The following GRPEL1 variants were observed in gnomAD, a reference collection of about 807,000 sequenced individuals.
The protein encoded by GRPEL1 is grpE protein homolog 1, mitochondrial.
GRPEL1 carries 13 observed loss-of-function variants against 22.1 expected under a neutral mutation model. The ratio of observed to expected loss-of-function variants is 0.59; its 90% CI spans 0.38 to 0.94. The LOEUF (loss-of-function observed/expected upper bound fraction) is 0.94, where lower values mean the gene tolerates loss of function less well. Ranked by LOEUF, GRPEL1 falls within the 40% of genes least tolerant of loss-of-function variation. The pLI is 0.00. For missense variants in GRPEL1, 289 were observed against 264.6 expected (o/e 1.09, Z -0.64); for synonymous variants, 109 against 105.3 (o/e 1.03, Z -0.21).
chr4:7,067,088 G>A (rs1309062607), intron 1 of GRPEL1, among the ~76,000 whole-genome samples: 1 of 152,228 alleles, frequency 6.6e-6, no homozygotes, highest in African/African-American at 2.4e-5. Flanking sequence ...CACCTCACCT[G>A]CCTGCTCTCC....
chr4:7,058,955 T>G lies in GRPEL1; in HGVS notation c.*1907A>C, dbSNP rs981904198. The G allele has an allele frequency of 2.0e-5, 3 of 152,270 alleles. No homozygotes were observed. The highest frequency in any genetic ancestry group is 7.2e-5 in the African/African-American group (3 of 41,474). 9.4% of individuals were successfully genotyped at this position (152,270 alleles called of 1,614,324 possible). A position where few individuals can be genotyped will look rare whatever the true frequency, so the allele number is the denominator to read the frequency against. On this transcript the variant is annotated 3_prime_UTR_variant, in exon 4 of 4. Coordinates refer to ENST00000264954, the MANE Select transcript of GRPEL1 (RefSeq NM_025196.4). ...ATGTTCAGATACACAGATACCATTG[T>G]GTTAACAGTTGCCTACAGTATCAGT...
intron 1 of GRPEL1, among the ~76,000 whole-genome samples, chr4:7,066,290 C>A (rs983300492): frequency 2.0e-5 from 3 of 152,154 alleles, no homozygotes; most frequent in Non-Finnish European, 4.4e-5. Flanking sequence ...TGTTTGTCAG[C>A]GAGCAAATGG....
chr4:7,065,638 G>T (rs796453137), intron 1 of GRPEL1, among the ~76,000 whole-genome samples: 1 of 152,120 alleles, frequency 6.6e-6, no homozygotes, highest in Non-Finnish European at 1.5e-5. Context: ...TGTAGGATAG[G>T]TAAGAGTTAC....
intron 1 of GRPEL1, 29 bp from the exon 2 acceptor site, chr4:7,064,252 AAGAC>A: frequency 6.3e-7 from 1 of 1,587,564 alleles, no homozygotes; most frequent in Non-Finnish European, 8.6e-7. Flanking sequence ...GTGAGAAACG[AAGAC>A]TTAGTTTTTG....
chr4:7,063,685 C>T (rs1027250316), intron 2 of GRPEL1, among the ~76,000 whole-genome samples: 1 of 152,256 alleles, frequency 6.6e-6, no homozygotes. Flanking sequence ...AAAACTCCTA[C>T]CTGCCTATGA....
At position 7,060,832 on chromosome 4, in the gene GRPEL1, G is replaced by A; in HGVS notation, c.*30C>T. The A allele has an allele frequency of 6.4e-7, 1 of 1,557,852 alleles. No homozygotes were observed. Among genetic ancestry groups the A allele is most frequent in the Non-Finnish European group, 8.8e-7 (1 of 1,142,284 alleles). ...CAGCCTTGAGAGTTACATCAAGTGA[G>A]TTTAAAAACACCCACCCCATCAACA... On this transcript the variant is annotated 3_prime_UTR_variant, in exon 4 of 4. Transcript: ENST00000264954.
rs889947782 is a variant in GRPEL1 at position 7,062,794 on chromosome 4, G to A, written c.226-328C>T. On this transcript the variant is annotated intron_variant, in intron 2 of 3. Coordinates refer to ENST00000264954, the MANE Select transcript of GRPEL1 (RefSeq NM_025196.4). ...CCCAAAGTGCTGGGATTACAGGTGT[G>A]GGCCACCATGCCTGGCCGGGAGATT... Among the ~76,000 whole-genome samples the A allele has an allele frequency of 5.9e-5, 9 of 152,238 alleles. No individual in the cohort carries two copies. The East Asian group carries it at 1.5e-3, about 26-fold the overall frequency.
In GRPEL1 at chr4:7,060,779, A is replaced by G; in HGVS notation, c.*83T>C. The G allele has an allele frequency of 1.6e-6, 2 of 1,250,430 alleles. No homozygotes were observed. Among genetic ancestry groups the G allele is most frequent in the Non-Finnish European group, 2.3e-6 (2 of 887,146 alleles). 77.5% of individuals were successfully genotyped at this position (1,250,430 alleles called of 1,614,324 possible). A position where few individuals can be genotyped will look rare whatever the true frequency, so the allele number is the denominator to read the frequency against. ...CCAATAAGGTTTGGGAAAAGGTCAC[A>G]CGTACTCATAGATGAGAAACAATGA... On this transcript the variant is annotated 3_prime_UTR_variant, in exon 4 of 4. Coordinates refer to ENST00000264954, the MANE Select transcript of GRPEL1 (RefSeq NM_025196.4).
rs1723984680 is a variant in GRPEL1, at chr4:7,059,482, C to G, written c.*1380G>C. 6.6e-6 allele frequency: 1 copy of G among 152,214 alleles called. No homozygotes were observed. The highest frequency in any genetic ancestry group is 1.5e-5 in the Non-Finnish European group (1 of 68,040). The allele number at this position is 152,214 out of a possible 1,614,324, so 9.4% of individuals were successfully genotyped here. On this transcript the variant is annotated 3_prime_UTR_variant, in exon 4 of 4. Coordinates refer to ENST00000264954, the MANE Select transcript of GRPEL1 (RefSeq NM_025196.4). ...AACAGGCAGCGCTGGAGCTCCCAGTCATGTTTTCTTCAATACACGATGCTG... is the reference window on the plus strand; with the variant it reads ...AACAGGCAGCGCTGGAGCTCCCAGTGATGTTTTCTTCAATACACGATGCTG...
chr4:7,067,947 C>A, intron 1 of GRPEL1, 24 bp downstream of exon 1: 1 of 1,612,228 alleles, frequency 6.2e-7, no homozygotes, highest in Non-Finnish European at 8.5e-7. Flanking sequence ...CCACCTCCAC[C>A]CAGGGAGACC....
chr4:7,061,244 A>C (rs778225638), intron 3 of GRPEL1, 36 bp from the exon 4 acceptor site: 2 of 1,537,804 alleles, frequency 1.3e-6, no homozygotes, highest in Non-Finnish European at 1.8e-6. Context: ...TGCACTCCAT[A>C]CCAACCGCAC....
At chr4:7,065,443 G>C (rs1177235292) in intron 1 of GRPEL1, among the ~76,000 whole-genome samples, 1 of 151,942 alleles carries the variant, frequency 6.6e-6, no homozygotes, top group Non-Finnish European at 1.5e-5. Flanking sequence ...GAATCAGGGA[G>C]GCGCAGGTTG....
chr4:7,067,879 G>A (rs2276969), intron 1 of GRPEL1, 92 bp downstream of exon 1: 1,042,044 of 1,355,346 alleles, frequency 0.77, 403,970 homozygotes, highest in South Asian at 0.82. Flanking sequence ...CGGGGCCGAG[G>A]CCGGGAAGGA....
At chr4:7,067,643 T>G in intron 1 of GRPEL1, 1 of 395,362 alleles carries the variant, frequency 2.5e-6, no homozygotes, top group Admixed American at 4.8e-5. Flanking sequence ...GCCGAGACCG[T>G]GAATGCGCGC....
rs1184020271 is a variant in GRPEL1, at chr4:7,068,014, TCACG to T, written c.15_18del (p.Cys5Ter). 1.2e-6 allele frequency: 2 copies of T among 1,612,776 alleles called. No homozygotes were observed. The highest frequency in any genetic ancestry group is 1.3e-5 in the African/African-American group (1 of 75,000). On this transcript the variant is annotated frameshift_variant, in exon 1 of 4. Transcript: ENST00000264954. LOFTEE classifies it high-confidence loss of function. ...GCAGGAAGACTGCGCCGCGCCAACC[TCACG>T]CACTGAGCCGCCATGACTGCCACTG...
At chr4:7,065,653 A>G (rs1229821107) in intron 1 of GRPEL1, among the ~76,000 whole-genome samples, 1 of 152,156 alleles carries the variant, frequency 6.6e-6, no homozygotes, top group East Asian at 1.9e-4. Flanking sequence ...AGTTACGAAA[A>G]AGGGATCAGA....
intron 3 of GRPEL1, 70 bp from the exon 4 acceptor site, chr4:7,061,278 G>T (rs1724036236): frequency 8.1e-7 from 1 of 1,228,620 alleles, no homozygotes; most frequent in Non-Finnish European, 1.1e-6. Flanking sequence ...ACTGAGCACT[G>T]CTGACCTGAT....
Position 7,062,490 on chromosome 4 carries a change from T to G in GRPEL1, c.226-24A>C, listed in dbSNP as rs9291129. ...TCCTAAAAGAGAAAAAAAGGGATATTTATATATATATATATATATATATAT... is the reference window on the plus strand; with the variant it reads ...TCCTAAAAGAGAAAAAAAGGGATATGTATATATATATATATATATATATAT... On this transcript the variant is annotated intron_variant, in intron 2 of 3. Transcript: ENST00000264954. The G allele has an allele frequency of 0.011, 6,855 of 616,672 alleles. 488 individuals carry two copies. In the African/African-American group the frequency reaches 0.17, roughly 15 times the overall value. The allele number at this position is 616,672 out of a possible 1,614,324, so 38.2% of individuals were successfully genotyped here.
chr4:7,060,771 A>G lies in GRPEL1; in HGVS notation c.*91T>C, dbSNP rs1047625705. ...TAAGGTTTCCAATAAGGTTTGGGAAAAGGTCACACGTACTCATAGATGAGA... is the reference window on the plus strand; with the variant it reads ...TAAGGTTTCCAATAAGGTTTGGGAAGAGGTCACACGTACTCATAGATGAGA... On this transcript the variant is annotated 3_prime_UTR_variant, in exon 4 of 4. Transcript: ENST00000264954. The G allele has an allele frequency of 3.3e-6, 4 of 1,199,596 alleles. No homozygotes were observed. The African/African-American group carries it at 6.1e-5, about 18-fold the overall frequency. 74.3% of individuals were successfully genotyped at this position (1,199,596 alleles called of 1,614,324 possible).
Sources: allele counts gnomAD v4.1 joint callset (sites outside exome capture counted in the v4.1 genomes callset), GRCh38; gene constraint gnomAD v4.1.1; transcripts MANE v1.5; gene names NCBI Gene and HGNC (gene_info 2026-07-23, HGNC 2026-07-21).